Variants in PARD3 observed in about 807,000 individuals in gnomAD.
The protein encoded by PARD3 is par-3 family cell polarity regulator.
Under a neutral mutation model 155.4 loss-of-function variants are expected in PARD3, and 75 were observed. The observed-to-expected ratio is 0.48, with a 90% CI of 0.40 to 0.58. PARD3 has a LOEUF of 0.58. PARD3 is among the 20% of genes least tolerant of loss of function. PARD3 has a pLI of 0.00. For missense variants in PARD3, 1,642 were observed against 1,721.7 expected (o/e 0.95, Z 0.82); for synonymous variants, 576 against 610.5 (o/e 0.94, Z 0.83).
chr10:34,201,021 C>T (rs1253322295), intron 22 of PARD3, among the ~76,000 whole-genome samples: 2 of 152,182 alleles, frequency 1.3e-5, no homozygotes, highest in East Asian at 1.9e-4. Flanking sequence ...CAGACACACG[C>T]ACCTGCCAAA....
chr10:34,346,509 T>C, intron 15 of PARD3: 4 of 1,328,320 alleles, frequency 3.0e-6, no homozygotes, highest in African/African-American at 1.5e-5. Flanking sequence ...TAGGGACACA[T>C]GCACACTCTC....
chr10:34,775,432 C>T (rs1340247683), intron 1 of PARD3, among the ~76,000 whole-genome samples: 1 of 152,076 alleles, frequency 6.6e-6, no homozygotes, highest in African/African-American at 2.4e-5. Context: ...ATCACTTTAG[C>T]CCAGGAGTTT....
chr10:34,752,463 TTA>T (rs1209733886), intron 1 of PARD3, among the ~76,000 whole-genome samples: 2 of 152,000 alleles, frequency 1.3e-5, no homozygotes, highest in East Asian at 3.9e-4. Context: ...AGTCAGCCTT[TTA>T]TATTATTTAT....
chr10:34,781,282 T>C (rs1439131444), intron 1 of PARD3, among the ~76,000 whole-genome samples: 2 of 152,250 alleles, frequency 1.3e-5, no homozygotes, highest in Admixed American at 6.5e-5. Flanking sequence ...GGTATTTCAC[T>C]TGCCCCTCTG....
intron 1 of PARD3, among the ~76,000 whole-genome samples, chr10:34,716,827 G>A (rs1409315855): frequency 6.6e-6 from 1 of 151,972 alleles, no homozygotes; most frequent in Non-Finnish European, 1.5e-5. Context: ...GCCAACCTCA[G>A]GTGATGCACC....
intron 2 of PARD3, among the ~76,000 whole-genome samples, chr10:34,541,139 T>C (rs2083584267): frequency 6.6e-6 from 1 of 152,108 alleles, no homozygotes; most frequent in Non-Finnish European, 1.5e-5. Context: ...CAAAGCCACG[T>C]TTCTTTTCCT....
chr10:34,666,797 A>AAAAAAAATATATATG lies in PARD3; in HGVS notation c.222+29520_222+29521insCATATATATTTTTTT, dbSNP rs71033331. Among the ~76,000 whole-genome samples the AAAAAAAATATATATG allele has an allele frequency of 1.5e-3, 100 of 65,012 alleles. 1 individual carries two copies. Among genetic ancestry groups the AAAAAAAATATATATG allele is most frequent in the African/African-American group, 6.1e-3 (93 of 15,260 alleles). 42.7% of individuals were successfully genotyped at this position (65,012 alleles called of 152,430 possible). On this transcript the variant is annotated intron_variant, in intron 2 of 24. Transcript: ENST00000374788. ...CCCCCTAAAAAAAAAAAAAAAAAAAATATATATATATATATATATACACAC... is the reference window on the plus strand; with the variant it reads ...CCCCCTAAAAAAAAAAAAAAAAAAAAAAAAAAATATATATGTATATATATATATATATATACACAC...
At chr10:34,457,409 T>C (rs1004639346) in intron 4 of PARD3, among the ~76,000 whole-genome samples, 2 of 152,112 alleles carry the variant, frequency 1.3e-5, no homozygotes, top group African/African-American at 4.8e-5. Flanking sequence ...AAGGAAGCCA[T>C]GAAAAATTTT....
chr10:34,343,449 T>C (rs1430905780), intron 15 of PARD3: 2 of 980,254 alleles, frequency 2.0e-6, no homozygotes, highest in East Asian at 1.1e-4. Flanking sequence ...TGATACAATA[T>C]TGTATACATA....
At chr10:34,675,850 C>A (rs2133287062) in intron 2 of PARD3, 2 of 185,096 alleles carry the variant, frequency 1.1e-5, no homozygotes, top group South Asian at 2.2e-4. Flanking sequence ...CCACCAACTT[C>A]ACACACACAC....
chr10:34,639,909 A>G (rs1045141360), intron 2 of PARD3, among the ~76,000 whole-genome samples: 3 of 152,194 alleles, frequency 2.0e-5, no homozygotes, highest in African/African-American at 7.2e-5. Flanking sequence ...GATACCTCGC[A>G]GAGTGTTATG....
intron 22 of PARD3, among the ~76,000 whole-genome samples, chr10:34,250,301 C>A (rs2248691): frequency 0.12 from 17,515 of 151,832 alleles, 2,724 homozygotes; most frequent in African/African-American, 0.36. Context: ...TAATACAGAA[C>A]GAGAAAAAGA....
At chr10:34,757,059 T>C (rs1836833077) in intron 1 of PARD3, among the ~76,000 whole-genome samples, 1 of 152,362 alleles carries the variant, frequency 6.6e-6, no homozygotes, top group East Asian at 1.9e-4. Flanking sequence ...TTCTCCTTGA[T>C]TCCTCTGGTA....
intron 22 of PARD3, among the ~76,000 whole-genome samples, chr10:34,254,152 C>T (rs990871197): frequency 1.2e-4 from 19 of 152,066 alleles, no homozygotes; most frequent in African/African-American, 3.4e-4. Flanking sequence ...GAGGCCAAGG[C>T]GGGTGGATCA....
chr10:34,149,375 C>G (rs908038951), intron 22 of PARD3, among the ~76,000 whole-genome samples: 3 of 152,012 alleles, frequency 2.0e-5, no homozygotes, highest in African/African-American at 7.2e-5. Context: ...AGAATATTGA[C>G]CTCTAAAGCT....
chr10:34,783,146 T>A (rs1454277998), intron 1 of PARD3, among the ~76,000 whole-genome samples: 1 of 152,156 alleles, frequency 6.6e-6, no homozygotes, highest in African/African-American at 2.4e-5. Context: ...GTAAAAAGCA[T>A]TAATTTGGGA....
At chr10:34,792,668 C>T (rs1220157945) in intron 1 of PARD3, among the ~76,000 whole-genome samples, 2 of 152,186 alleles carry the variant, frequency 1.3e-5, no homozygotes, top group Non-Finnish European at 2.9e-5. Context: ...GCTGGAGCTG[C>T]ACCTGCACCC....
intron 20 of PARD3, among the ~76,000 whole-genome samples, chr10:34,287,712 T>G (rs967382684): frequency 6.6e-6 from 1 of 152,212 alleles, no homozygotes; most frequent in Non-Finnish European, 1.5e-5. Flanking sequence ...ATGAACTCAG[T>G]CAATCAACCT....
chr10:34,242,496 A>G (rs986122552), intron 22 of PARD3, among the ~76,000 whole-genome samples: 3 of 152,178 alleles, frequency 2.0e-5, no homozygotes, highest in African/African-American at 7.2e-5. Context: ...CTCCCGTAAA[A>G]TGAGGGGTTG....
Sources: allele counts gnomAD v4.1 joint callset (sites outside exome capture counted in the v4.1 genomes callset), GRCh38; gene constraint gnomAD v4.1.1; transcripts MANE v1.5; gene names NCBI Gene and HGNC (gene_info 2026-07-23, HGNC 2026-07-21).